The following CPA6 variants were observed in gnomAD, a reference collection of about 807,000 sequenced individuals.
The protein encoded by CPA6 is carboxypeptidase A6.
In CPA6, 58 loss-of-function variants were observed where a neutral mutation model predicts 63.3. That is an observed-to-expected ratio of 0.92 (90% CI 0.74 to 1.14). The LOEUF is 1.14. Among genes scored for constraint, CPA6 ranks in the 50% most tolerant of loss-of-function variants. The probability of loss-of-function intolerance (pLI) is 0.00; values close to 1 mark genes in which losing one functional copy is unlikely to be tolerated. For synonymous variants in CPA6, 185 were observed against 179.0 expected (o/e 1.03, Z -0.27); for missense variants, 565 against 526.6 (o/e 1.07, Z -0.71).
chr8:67,548,144 T>C (rs1229649992), intron 2 of CPA6, among the ~76,000 whole-genome samples: 7 of 52,614 alleles, frequency 1.3e-4, no homozygotes, highest in Admixed American at 2.6e-4. Context: ...TCTCTCTCTC[T>C]CTCCCTCTCA....
chr8:67,600,167 T>C (rs72657242), intron 2 of CPA6, among the ~76,000 whole-genome samples: 15,528 of 152,018 alleles, frequency 0.1, 906 homozygotes, highest in Middle Eastern at 0.18. Flanking sequence ...AAGACATTTA[T>C]GCAGCCAAAA....
intron 2 of CPA6, among the ~76,000 whole-genome samples, chr8:67,612,775 T>A (rs1257252454): frequency 2.0e-5 from 3 of 152,238 alleles, no homozygotes; most frequent in Admixed American, 6.5e-5. Context: ...TCTCTGAATT[T>A]TTTTAGGGCA....
chr8:67,513,890 A>G (rs1285544677), intron 3 of CPA6, among the ~76,000 whole-genome samples: 1 of 151,968 alleles, frequency 6.6e-6, no homozygotes, highest in Non-Finnish European at 1.5e-5. Context: ...AAACTTTCTG[A>G]GTGATGCCAT....
At chr8:67,584,498 A>C (rs1012706221) in intron 2 of CPA6, among the ~76,000 whole-genome samples, 1 of 152,170 alleles carries the variant, frequency 6.6e-6, no homozygotes, top group African/African-American at 2.4e-5. Context: ...GACTTGACGG[A>C]GAATGTTATG....
chr8:67,691,589 C>T (rs1337841149), intron 1 of CPA6, among the ~76,000 whole-genome samples: 1 of 152,186 alleles, frequency 6.6e-6, no homozygotes. Context: ...CCCCATCACA[C>T]TGTCAGGAGC....
At chr8:67,569,516 C>A in intron 2 of CPA6, 1 of 436,056 alleles carries the variant, frequency 2.3e-6, no homozygotes, top group South Asian at 1.9e-5. Flanking sequence ...AGTGATGAAT[C>A]AGTACCAGAG....
chr8:67,468,109 T>A (rs936670039), intron 8 of CPA6, among the ~76,000 whole-genome samples: 2 of 151,932 alleles, frequency 1.3e-5, no homozygotes, highest in African/African-American at 4.8e-5. Context: ...CTCCCAATTA[T>A]CTTGTGTTTG....
intron 8 of CPA6, among the ~76,000 whole-genome samples, chr8:67,438,123 T>A (rs1173021900): frequency 1.3e-5 from 2 of 152,116 alleles, no homozygotes; most frequent in Non-Finnish European, 2.9e-5. Flanking sequence ...TCACCATGTT[T>A]GCCAGGCTTG....
At chr8:67,558,348 T>C (rs1372973366) in intron 2 of CPA6, among the ~76,000 whole-genome samples, 1 of 152,236 alleles carries the variant, frequency 6.6e-6, no homozygotes, top group Non-Finnish European at 1.5e-5. Flanking sequence ...GCTATCTTGT[T>C]TACTTTTTTA....
At chr8:67,607,056 T>A (rs1161627184) in intron 2 of CPA6, among the ~76,000 whole-genome samples, 1 of 151,930 alleles carries the variant, frequency 6.6e-6, no homozygotes, top group Non-Finnish European at 1.5e-5. Context: ...CTTTCCTAGA[T>A]GTAACTCTCA....
intron 8 of CPA6, among the ~76,000 whole-genome samples, chr8:67,439,169 A>G (rs1264408430): frequency 2.0e-5 from 3 of 151,640 alleles, no homozygotes; most frequent in African/African-American, 7.3e-5. Context: ...GGTGGCACAC[A>G]CCTGTAGTCC....
chr8:67,689,590 G>A (rs188256999), intron 1 of CPA6, among the ~76,000 whole-genome samples: 77 of 152,310 alleles, frequency 5.1e-4, no homozygotes, highest in African/African-American at 1.7e-3. Flanking sequence ...CCATGTTGCT[G>A]GAGAGGATAT....
At chr8:67,503,731 T>A (rs1218864087) in intron 6 of CPA6, among the ~76,000 whole-genome samples, 2 of 152,180 alleles carry the variant, frequency 1.3e-5, no homozygotes, top group Non-Finnish European at 2.9e-5. Flanking sequence ...GTCTTTTGCA[T>A]GCATTATATT....
intron 1 of CPA6, among the ~76,000 whole-genome samples, chr8:67,661,518 C>G (rs1816108940): frequency 6.6e-6 from 1 of 152,232 alleles, no homozygotes; most frequent in African/African-American, 2.4e-5. Context: ...AGCCTGCCTT[C>G]AGGGCTGGCC....
chr8:67,631,757 A>G (rs1382699922), intron 1 of CPA6, among the ~76,000 whole-genome samples: 1 of 152,192 alleles, frequency 6.6e-6, no homozygotes, highest in East Asian at 1.9e-4. Flanking sequence ...TATGAGCTGT[A>G]ACACTCACTG....
intron 8 of CPA6, among the ~76,000 whole-genome samples, chr8:67,448,713 GAAA>G (rs1335545172): frequency 8.0e-5 from 10 of 125,652 alleles, no homozygotes; most frequent in Non-Finnish European, 1.7e-4. Flanking sequence ...GAAAGAAAAA[GAAA>G]AAAAGAAAGT....
At chr8:67,555,948 A>G (rs1813050635) in intron 2 of CPA6, among the ~76,000 whole-genome samples, 1 of 152,196 alleles carries the variant, frequency 6.6e-6, no homozygotes, top group African/African-American at 2.4e-5. Context: ...AGGAACTATG[A>G]GTCCCTGTGA....
intron 8 of CPA6, among the ~76,000 whole-genome samples, chr8:67,468,597 A>AAAATT (rs1197331877): frequency 5.0e-5 from 7 of 139,742 alleles, no homozygotes; most frequent in African/African-American, 2.2e-4. Context: ...AAAATAAAAT[A>AAAATT]AAATAAAATA....
At chr8:67,590,256 A>G in intron 2 of CPA6, among the ~76,000 whole-genome samples, 1 of 151,056 alleles carries the variant, frequency 6.6e-6, no homozygotes, top group Non-Finnish European at 1.5e-5. Flanking sequence ...TCCATGGTGT[A>G]TATGTGCCAC....
Sources: gnomAD v4.1 joint callset for allele counts (sites outside exome capture counted in the v4.1 genomes callset) on GRCh38, gnomAD v4.1.1 for gene constraint, MANE v1.5 for transcripts, NCBI Gene and HGNC (gene_info 2026-07-23, HGNC 2026-07-21) for gene names.